Variants in LRFN5 observed in about 807,000 individuals in gnomAD.
LRFN5 encodes leucine-rich repeat and fibronectin type-III domain-containing protein 5.
In LRFN5, 24 loss-of-function variants were observed where a neutral mutation model predicts 45.6. That is an observed-to-expected ratio of 0.53 (90% CI 0.38 to 0.74). The LOEUF is 0.74. Ranked by LOEUF, LRFN5 falls within the 30% of genes least tolerant of loss-of-function variation. The pLI is 0.00. For missense variants in LRFN5, 776 were observed against 861.5 expected (o/e 0.90, Z 1.24); for synonymous variants, 340 against 313.8 (o/e 1.08, Z -0.88).
At chr14:41,791,735 T>C (rs73319015) in intron 2 of LRFN5, among the ~76,000 whole-genome samples, 1,713 of 152,234 alleles carry the variant, frequency 0.011, 30 homozygotes, top group African/African-American at 0.039. Context: ...AAGAGGATTA[T>C]TTAATCTCAA....
At chr14:41,695,301 G>A (rs140967558) in intron 1 of LRFN5, among the ~76,000 whole-genome samples, 33 of 152,052 alleles carry the variant, frequency 2.2e-4, no homozygotes, top group African/African-American at 7.5e-4. Flanking sequence ...TAACATAAAA[G>A]TGCAAGATGA....
chr14:41,887,957 A>G lies in LRFN5; in HGVS notation c.1332A>G (p.Ile444Met). 6.2e-7 allele frequency: 1 copy of G among 1,613,650 alleles called. No individual in the cohort carries two copies. Residue 444 changes from isoleucine to methionine, a missense_variant, in exon 3 of 6, where the codon ATA becomes ATG. Coordinates refer to ENST00000298119, the MANE Select transcript of LRFN5 (RefSeq NM_152447.5). This position sits in a 1 kb window ranked among gnomAD's most constrained non-coding sequence, Gnocchi z 4.8. ...KFNFQRNIPG[I>M]RMFQIQYNGT... The stretch of plus-strand genomic sequence containing the variant: ...ATTTTCAAAGAAATATCCCTGGAAT[A>G]CGTATGTTTCAAATCCAGTACAATG...
intron 1 of LRFN5, among the ~76,000 whole-genome samples, chr14:41,738,377 T>C (rs1392817449): frequency 5.3e-5 from 8 of 152,130 alleles, no homozygotes; most frequent in Admixed American, 1.3e-4. Context: ...ATGTAAGACC[T>C]AAAACCATAA....
rs1555358693 is a variant in LRFN5 at position 41,734,316 on chromosome 14, T to TTTTATATATATATATATATATATATA, written c.-196-32537_-196-32536insTTATATATATATATATATATATATAT. ...GTGAGCCACCTTTCCTGGACTGGTT[T>TTTTATATATATATATATATATATATA]TATATATATATATATATATATATAT... On this transcript the variant is annotated intron_variant, in intron 1 of 5. Coordinates refer to ENST00000298119, the MANE Select transcript of LRFN5 (RefSeq NM_152447.5). Among the ~76,000 whole-genome samples, 6 of 38,768 alleles carry TTTTATATATATATATATATATATATA rather than the reference T, an allele frequency of 1.5e-4. 1 individual carries two copies. The highest frequency in any genetic ancestry group is 3.4e-4 in the Non-Finnish European group (5 of 14,558). The allele number at this position is 38,768 out of a possible 152,430, so 25.4% of individuals were successfully genotyped here. A position where few individuals can be genotyped will look rare whatever the true frequency, so the allele number is the denominator to read the frequency against.
intron 1 of LRFN5, among the ~76,000 whole-genome samples, chr14:41,724,545 CAT>C (rs1160109294): frequency 3.3e-5 from 5 of 152,080 alleles, no homozygotes; most frequent in Admixed American, 2.6e-4. Flanking sequence ...TTCATAAGCT[CAT>C]ATGAATGAAT....
Position 41,793,778 on chromosome 14 carries a change from G to C in LRFN5, c.-21+26749G>C, listed in dbSNP as rs373853554. Among the ~76,000 whole-genome samples the C allele has an allele frequency of 3.9e-5, 6 of 152,074 alleles. No homozygotes were observed. The East Asian group carries it at 9.7e-4, about 25-fold the overall frequency. ...TGAGAAACATGGATGAAGCACAAAAGCAGATCACTAATTAACTACTTTCTA... is the reference window on the plus strand; with the variant it reads ...TGAGAAACATGGATGAAGCACAAAACCAGATCACTAATTAACTACTTTCTA... On this transcript the variant is annotated intron_variant, in intron 2 of 5. Transcript: ENST00000298119.
At chr14:41,708,283 T>G (rs980658828) in intron 1 of LRFN5, among the ~76,000 whole-genome samples, 2 of 152,012 alleles carry the variant, frequency 1.3e-5, no homozygotes, top group Non-Finnish European at 2.9e-5. Flanking sequence ...ATTATCCACC[T>G]TCAATAATTA....
chr14:41,796,102 TAAA>T (rs978281080), intron 2 of LRFN5, among the ~76,000 whole-genome samples: 1 of 151,920 alleles, frequency 6.6e-6, no homozygotes, highest in Admixed American at 6.6e-5. Flanking sequence ...TTTTCAAAAA[TAAA>T]AAAATAAATT....
intron 1 of LRFN5, among the ~76,000 whole-genome samples, chr14:41,686,902 A>G (rs944458801): frequency 6.6e-6 from 1 of 152,156 alleles, no homozygotes; most frequent in African/African-American, 2.4e-5. Flanking sequence ...TTCATCAGGG[A>G]TATTGGCCTG....
chr14:41,755,114 A>G (rs1885315039), intron 1 of LRFN5, among the ~76,000 whole-genome samples: 1 of 152,100 alleles, frequency 6.6e-6, no homozygotes, highest in Non-Finnish European at 1.5e-5. Context: ...GTTTGATTGC[A>G]CTGTGGTCTG....
intron 2 of LRFN5, among the ~76,000 whole-genome samples, chr14:41,772,277 G>C (rs74045409): frequency 6.6e-6 from 1 of 152,142 alleles, no homozygotes; most frequent in African/African-American, 2.4e-5. Context: ...TGGGGATTAC[G>C]TTGCAACATA....
At chr14:41,658,625 G>A (rs953958117) in intron 1 of LRFN5, among the ~76,000 whole-genome samples, 3 of 151,668 alleles carry the variant, frequency 2.0e-5, no homozygotes, top group Admixed American at 6.6e-5. Flanking sequence ...CCAATGATAC[G>A]CAATTATCCT....
chr14:41,845,994 T>C (rs902122165), intron 2 of LRFN5, among the ~76,000 whole-genome samples: 1 of 152,198 alleles, frequency 6.6e-6, no homozygotes, highest in Non-Finnish European at 1.5e-5. Context: ...ACCAACAGTA[T>C]TTGTAGCCAT....
chr14:41,904,228 C>G lies in LRFN5; in HGVS notation c.*53C>G. On this transcript the variant is annotated 3_prime_UTR_variant, in exon 6 of 6. Coordinates refer to ENST00000298119, the MANE Select transcript of LRFN5 (RefSeq NM_152447.5). ...AAAAAATTTGCCACTGATATTTTTA[C>G]TGGATAAAATTCAAAAATGTTTCAA... is the stretch of plus-strand genomic sequence containing the variant. 6.2e-7 allele frequency: 1 copy of G among 1,600,482 alleles called. No homozygotes were observed. The highest frequency in any genetic ancestry group is 8.5e-7 in the Non-Finnish European group (1 of 1,171,224).
rs553423725 is a variant in LRFN5 at position 41,780,099 on chromosome 14, T to C, written c.-21+13070T>C. Among the ~76,000 whole-genome samples, 14 of 152,022 alleles carry C rather than the reference T, an allele frequency of 9.2e-5. No individual in the cohort carries two copies. The East Asian group carries it at 1.4e-3, about 15-fold the overall frequency. Reference sequence around the variant, plus strand: ...ATGCTGTAAATATCTCCGTAGGCAGTGCTTTCACTGGTTTTGTTAAGTTAT... The same window carrying C: ...ATGCTGTAAATATCTCCGTAGGCAGCGCTTTCACTGGTTTTGTTAAGTTAT... On this transcript the variant is annotated intron_variant, in intron 2 of 5. Transcript: ENST00000298119.
intron 1 of LRFN5, among the ~76,000 whole-genome samples, chr14:41,722,059 AT>A (rs1171533861): frequency 6.6e-6 from 1 of 151,878 alleles, no homozygotes; most frequent in Non-Finnish European, 1.5e-5. Flanking sequence ...GACTTTGTTC[AT>A]TTTTTTAAAT....
At chr14:41,695,710 C>A (rs1008451664) in intron 1 of LRFN5, among the ~76,000 whole-genome samples, 28 of 151,906 alleles carry the variant, frequency 1.8e-4, no homozygotes, top group African/African-American at 6.5e-4. Flanking sequence ...AATATTCACA[C>A]CTACTGCTCA....
intron 1 of LRFN5, among the ~76,000 whole-genome samples, chr14:41,723,952 G>C (rs941019402): frequency 6.6e-5 from 10 of 152,116 alleles, no homozygotes; most frequent in African/African-American, 2.4e-4. Flanking sequence ...ACTTTTCATG[G>C]TATCTTTCCC....
chr14:41,680,290 GT>G (rs1290593452), intron 1 of LRFN5, among the ~76,000 whole-genome samples: 1 of 152,152 alleles, frequency 6.6e-6, no homozygotes, highest in African/African-American at 2.4e-5. Flanking sequence ...CCACGCATTG[GT>G]TACTCTAGCC....
Sources: allele counts gnomAD v4.1 joint callset (sites outside exome capture counted in the v4.1 genomes callset), GRCh38; gene constraint gnomAD v4.1.1; non-coding constraint Gnocchi (gnomAD v3.1); transcripts MANE v1.5; gene names NCBI Gene and HGNC (gene_info 2026-07-23, HGNC 2026-07-21).